KAT8: variants seen among roughly 807,000 people sequenced by gnomAD.
KAT8 encodes the protein lysine acetyltransferase 8, also known as histone acetyltransferase KAT8.
KAT8 carries 40 observed loss-of-function variants against 62.9 expected under a neutral mutation model. The observed-to-expected ratio is 0.64, with a 90% CI of 0.49 to 0.83. The LOEUF (loss-of-function observed/expected upper bound fraction) is 0.83. KAT8 is among the 40% of genes least tolerant of loss of function. The probability of loss-of-function intolerance (pLI) is 0.00; values close to 1 mark genes in which losing one functional copy is unlikely to be tolerated. For synonymous variants in KAT8, 278 were observed against 254.5 expected (o/e 1.09, Z -0.88); for missense variants, 387 against 614.8 (o/e 0.63, Z 3.92).
intron 3 of KAT8, chr16:31,125,619 A>T (rs1043724573): frequency 6.5e-6 from 1 of 152,718 alleles, no homozygotes; most frequent in Non-Finnish European, 1.5e-5. Context: ...AAAAAAAAAA[A>T]AAAAAAGAAA....
At chr16:31,121,838 ACCTCCTGGGCTCAAGCAAT>A (rs941613248) in intron 3 of KAT8, among the ~76,000 whole-genome samples, 21 of 151,996 alleles carry the variant, frequency 1.4e-4, no homozygotes, top group African/African-American at 5.1e-4. Flanking sequence ...TTCAGCCTCA[ACCTCCTGGGCTCAAGCAAT>A]CCTCCTGCCT....
chr16:31,121,401 G>A (rs971002591), intron 3 of KAT8, among the ~76,000 whole-genome samples: 4 of 152,042 alleles, frequency 2.6e-5, no homozygotes, highest in Admixed American at 2.6e-4. Context: ...GATTACAGGC[G>A]TGAGCTACTG....
Position 31,130,911 on chromosome 16 carries a change from G to C in KAT8, c.1312+11G>C, listed in dbSNP as rs1326307532. On this transcript the variant is annotated intron_variant, in intron 10 of 10. Coordinates refer to ENST00000219797, the MANE Select transcript of KAT8 (RefSeq NM_032188.3). ...AACCACCCATCACAGGTGGGTGGGG[G>C]GCTGCTGTGTGTCGGGGGCGGTGGG... 6.2e-7 allele frequency: 1 copy of C among 1,610,608 alleles called. No individual in the cohort carries two copies. Among genetic ancestry groups the C allele is most frequent in the Non-Finnish European group, 8.5e-7 (1 of 1,179,274 alleles).
At position 31,130,241 on chromosome 16, in the gene KAT8, C is replaced by T. The variant is rs755419868; in HGVS notation, c.913-26C>T. 1.1e-5 allele frequency: 18 copies of T among 1,612,540 alleles called. No individual in the cohort carries two copies. The South Asian group carries it at 1.2e-4, about 11-fold the overall frequency. On this transcript the variant is annotated intron_variant, in intron 7 of 10. Coordinates refer to ENST00000219797, the MANE Select transcript of KAT8 (RefSeq NM_032188.3). ...AGAGAGTGGGGCAGAGCCTCCCCAGCGGCCCTGAGCACCTGCCTCCTGCAG... is the reference window on the plus strand; with the variant it reads ...AGAGAGTGGGGCAGAGCCTCCCCAGTGGCCCTGAGCACCTGCCTCCTGCAG...
intron 3 of KAT8, chr16:31,125,459 C>G (rs1026572450): frequency 6.6e-6 from 1 of 152,050 alleles, no homozygotes; most frequent in African/African-American, 2.4e-5. Flanking sequence ...CAAAAATTAC[C>G]TGGATGTGGC....
At chr16:31,124,897 T>TGGGC (rs1226802912) in intron 3 of KAT8, among the ~76,000 whole-genome samples, 1 of 151,824 alleles carries the variant, frequency 6.6e-6, no homozygotes, top group East Asian at 1.9e-4. Context: ...GGCTTGCTGG[T>TGGGC]GGGCGCCTGT....
At chr16:31,118,686 G>C (rs1258832527) in intron 1 of KAT8, 1 of 151,854 alleles carries the variant, frequency 6.6e-6, no homozygotes, top group African/African-American at 2.4e-5. Flanking sequence ...CATCATACTG[G>C]GAACTTCTGG....
chr16:31,128,160 T>G, intron 6 of KAT8, 21 bp downstream of exon 6: 2 of 1,598,810 alleles, frequency 1.3e-6, no homozygotes, highest in Non-Finnish European at 1.7e-6. Context: ...GGCCAGGGGT[T>G]GGGAGAGGCC....
At position 31,120,257 on chromosome 16, in the gene KAT8, G is replaced by T; in HGVS notation, c.283G>T (p.Gly95Cys). ...GREEFYVHYV[G>C]FNRRLDEWVD... ...AGAGGAATTCTATGTACACTACGTG[G>T]GCTGTGAGTGGCTTGGCACATCTGG... The change falls in exon 2 of 11, where the codon GGC becomes TGC. Residue 95 changes from glycine (G) to cysteine (C), a missense_variant. Gly to Cys is a radical substitution (Grantham distance 159). This residue lies in a region of KAT8 where 69 missense variants were observed against 127.0 expected (regional missense o/e 0.54). Transcript: ENST00000219797. The T allele has an allele frequency of 6.2e-7, 1 of 1,614,158 alleles. No individual in the cohort carries two copies. Among genetic ancestry groups the T allele is most frequent in the Non-Finnish European group, 8.5e-7 (1 of 1,180,006 alleles).
intron 8 of KAT8, 40 bp from the exon 9 acceptor site, chr16:31,130,416 G>A (rs994222956): frequency 1.9e-6 from 3 of 1,614,118 alleles, no homozygotes; most frequent in Non-Finnish European, 2.5e-6. Flanking sequence ...GGGGTGCCAG[G>A]GCAGGCTGGA....
At position 31,117,782 on chromosome 16, in the gene KAT8, C is replaced by G; in HGVS notation, c.101C>G (p.Thr34Ser). The change falls in exon 1 of 11, where the codon ACC (threonine) becomes AGC (serine). Residue 34 changes from threonine to serine, a missense_variant. Around this residue, in one of 6 missense-constraint regions of KAT8, gnomAD observed 92 missense variants for 78.8 expected, o/e 1.17. Transcript: ENST00000219797. Reference protein sequence around the residue: ...GPGENAAAEGTAPSPGRVSPP... With the variant: ...GPGENAAAEGSAPSPGRVSPP... ...GGGGAGAATGCGGCCGCTGAGGGGACCGCCCCATCCCCGGGCCGCGTCTCT... is the reference window on the plus strand; with the variant it reads ...GGGGAGAATGCGGCCGCTGAGGGGAGCGCCCCATCCCCGGGCCGCGTCTCT... The G allele has an allele frequency of 1.4e-6, 2 of 1,398,496 alleles. No individual in the cohort carries two copies. Among genetic ancestry groups the G allele is most frequent in the Non-Finnish European group, 1.9e-6 (2 of 1,065,384 alleles). The allele number at this position is 1,398,496 out of a possible 1,614,324, so 86.6% of individuals were successfully genotyped here.
chr16:31,129,885 A>G, intron 6 of KAT8, 132 bp from the exon 7 acceptor site: 9 of 969,978 alleles, frequency 9.3e-6, no homozygotes, highest in Non-Finnish European at 1.4e-5. Flanking sequence ...CTGACCGAAG[A>G]CTCCTTCCAG....
intron 3 of KAT8, among the ~76,000 whole-genome samples, chr16:31,123,194 T>A (rs1221572104): frequency 6.6e-6 from 1 of 152,010 alleles, no homozygotes; most frequent in Non-Finnish European, 1.5e-5. Context: ...CAAAAAAAAA[T>A]TAATTATCAT....
intron 6 of KAT8, among the ~76,000 whole-genome samples, chr16:31,128,969 C>T (rs965961736): frequency 3.3e-5 from 5 of 152,210 alleles, no homozygotes; most frequent in African/African-American, 1.2e-4. Flanking sequence ...CGCAGATGGG[C>T]CATACAGCAC....
At chr16:31,121,417 G>A (rs749226258) in intron 3 of KAT8, among the ~76,000 whole-genome samples, 10 of 151,434 alleles carry the variant, frequency 6.6e-5, no homozygotes, top group Admixed American at 1.3e-4. Context: ...TACTGCGCCC[G>A]GCCTAAGCTA....
Position 31,117,673 on chromosome 16 carries a change from CT to C in KAT8, c.-7del. The stretch of plus-strand genomic sequence containing the variant: ...GGCGTCCGATTCTGGCGTCACTTCC[CT>C]TCCCGCGATGGCGGCACAGGGAGCT... On this transcript the variant is annotated 5_prime_UTR_variant, in exon 1 of 11. Transcript: ENST00000219797. The C allele has an allele frequency of 1.4e-6, 2 of 1,388,030 alleles. No homozygotes were observed. Among genetic ancestry groups the C allele is most frequent in the Admixed American group, 3.6e-5 (1 of 27,816 alleles). 86.0% of individuals were successfully genotyped at this position (1,388,030 alleles called of 1,614,324 possible).
rs746646474 is a variant in KAT8 at position 31,128,138 on chromosome 16, A to C, written c.770A>C (p.Lys257Thr). 1.9e-6 allele frequency: 3 copies of C among 1,613,190 alleles called. No individual in the cohort carries two copies. In the African/African-American group the frequency reaches 4.0e-5, roughly 22 times the overall value. The change falls in exon 6 of 11, where the codon AAG (lysine) becomes ACG (threonine). Residue 257 changes from lysine to threonine, a missense_variant and splice_region_variant. Lys to Thr is a moderately conservative substitution (Grantham distance 78). Transcript: ENST00000219797. ...SVYEVDGKDHKIYCQNLCLLA... is the reference protein window; with the variant it reads ...SVYEVDGKDHTIYCQNLCLLA... ...TACGAAGTTGATGGCAAAGACCATAAGGTGAGTGGGTGGCCAGGGGTTGGG... is the reference window on the plus strand; with the variant it reads ...TACGAAGTTGATGGCAAAGACCATACGGTGAGTGGGTGGCCAGGGGTTGGG...
chr16:31,117,997 A>T lies in KAT8; in HGVS notation c.211+105A>T, dbSNP rs538409677. ...GTGAGGCCAAGATCCGGGGGCTGGG[A>T]GTGGAGAGGAGGAGGGGCGGGGCTT... On this transcript the variant is annotated intron_variant, in intron 1 of 10. Coordinates refer to ENST00000219797, the MANE Select transcript of KAT8 (RefSeq NM_032188.3). The T allele has an allele frequency of 7.0e-4, 581 of 828,884 alleles. 2 individuals are homozygous for T. The highest frequency in any genetic ancestry group is 8.5e-4 in the Non-Finnish European group (515 of 605,938). The allele number at this position is 828,884 out of a possible 1,614,324, so 51.3% of individuals were successfully genotyped here. A position where few individuals can be genotyped will look rare whatever the true frequency, so the allele number is the denominator to read the frequency against.
At position 31,117,687 on chromosome 16, in the gene KAT8, G is replaced by A. The variant is rs945059826; in HGVS notation, c.6G>A (p.Ala2=). Residue 2 remains alanine (A), a synonymous_variant, in exon 1 of 11, where the codon GCG becomes GCA. Transcript: ENST00000219797. M[A]AQGAAAAVAA... Reference sequence around the variant, plus strand: ...GCGTCACTTCCCTTCCCGCGATGGCGGCACAGGGAGCTGCTGCGGCGGTTG... The same window carrying A: ...GCGTCACTTCCCTTCCCGCGATGGCAGCACAGGGAGCTGCTGCGGCGGTTG... 2.3e-5 allele frequency: 32 copies of A among 1,391,914 alleles called. No individual in the cohort carries two copies. The highest frequency in any genetic ancestry group is 2.8e-5 in the Non-Finnish European group (30 of 1,067,492). The allele number at this position is 1,391,914 out of a possible 1,614,324, so 86.2% of individuals were successfully genotyped here.
Sources: allele counts gnomAD v4.1 joint callset (sites outside exome capture counted in the v4.1 genomes callset), GRCh38; gene constraint gnomAD v4.1.1; regional missense constraint gnomAD v4.1.1; transcripts MANE v1.5; gene names NCBI Gene and HGNC (gene_info 2026-07-23, HGNC 2026-07-21).